The following ADAMTS16 variants were observed in gnomAD, a reference collection of about 807,000 sequenced individuals.
ADAMTS16 encodes ADAM metallopeptidase with thrombospondin type 1 motif 16, also known as A disintegrin and metalloproteinase with thrombospondin motifs 16.
A neutral mutation model predicts 145.8 loss-of-function variants in ADAMTS16; 94 were observed. That is an observed-to-expected ratio of 0.64 (90% CI 0.55 to 0.77). The LOEUF is 0.77. Ranked by LOEUF, ADAMTS16 falls within the 30% of genes least tolerant of loss-of-function variation. The pLI, the probability that ADAMTS16 is intolerant of heterozygous loss-of-function variation, is 0.00. For missense variants in ADAMTS16, 1,585 were observed against 1,591.5 expected (o/e 1.00, Z 0.07); for synonymous variants, 659 against 604.3 (o/e 1.09, Z -1.33).
chr5:5,282,790 C>CA (rs1423581925), intron 18 of ADAMTS16, among the ~76,000 whole-genome samples: 2 of 151,870 alleles, frequency 1.3e-5, no homozygotes, highest in African/African-American at 4.8e-5. Flanking sequence ...GTTGAAAACT[C>CA]AAAAACTTGG....
intron 18 of ADAMTS16, among the ~76,000 whole-genome samples, chr5:5,266,398 A>AC (rs1219630746): frequency 3.3e-5 from 5 of 152,166 alleles, no homozygotes; most frequent in Admixed American, 2.0e-4. Context: ...AGAGCTGGTG[A>AC]CCCCAGGGCA....
At chr5:5,272,756 T>C (rs2126455328) in intron 18 of ADAMTS16, among the ~76,000 whole-genome samples, 1 of 152,312 alleles carries the variant, frequency 6.6e-6, no homozygotes, top group South Asian at 2.1e-4. Context: ...CCCACTTCTG[T>C]GTCAACATGG....
At chr5:5,316,712 GC>G (rs1734069858) in intron 21 of ADAMTS16, among the ~76,000 whole-genome samples, 1 of 152,098 alleles carries the variant, frequency 6.6e-6, no homozygotes, top group East Asian at 1.9e-4. Flanking sequence ...AGCAAAATAA[GC>G]CCCAGCAGCT....
At chr5:5,318,715 G>A (rs780138791) in intron 22 of ADAMTS16, among the ~76,000 whole-genome samples, 3 of 152,158 alleles carry the variant, frequency 2.0e-5, no homozygotes, top group African/African-American at 2.4e-5. Flanking sequence ...TGAGGAAGGC[G>A]AGTGGTTTGG....
At chr5:5,263,868 C>A (rs1579354880) in intron 18 of ADAMTS16, among the ~76,000 whole-genome samples, 1 of 152,216 alleles carries the variant, frequency 6.6e-6, no homozygotes, top group African/African-American at 2.4e-5. Context: ...ACTCAGTGGG[C>A]CCCGAGCTCT....
intron 3 of ADAMTS16, among the ~76,000 whole-genome samples, chr5:5,179,467 A>T (rs1413161683): frequency 2.6e-5 from 4 of 152,166 alleles, no homozygotes; most frequent in African/African-American, 9.7e-5. Context: ...TAATGGAGAA[A>T]CTAATTGGGT....
rs1448492809 is a variant in ADAMTS16 at position 5,245,821 on chromosome 5, T to A, written c.2662+3630T>A. Among the ~76,000 whole-genome samples the A allele has an allele frequency of 2.0e-5, 3 of 152,352 alleles. No individual in the cohort carries two copies. The East Asian group carries it at 5.8e-4, about 29-fold the overall frequency. Reference sequence around the variant, plus strand: ...CAGGTAATGCCTTTTATCTCCCTTTTGACAGCTTCTTCTTCCCTTTTGACA... The same window carrying A: ...CAGGTAATGCCTTTTATCTCCCTTTAGACAGCTTCTTCTTCCCTTTTGACA... On this transcript the variant is annotated intron_variant, in intron 17 of 22. Coordinates refer to ENST00000274181, the MANE Select transcript of ADAMTS16 (RefSeq NM_139056.4).
chr5:5,156,140 A>G (rs1734596558), intron 3 of ADAMTS16, among the ~76,000 whole-genome samples: 1 of 152,184 alleles, frequency 6.6e-6, no homozygotes, highest in African/African-American at 2.4e-5. Flanking sequence ...AGCAGGTGGC[A>G]AAGCAGAAAT....
intron 10 of ADAMTS16, among the ~76,000 whole-genome samples, chr5:5,220,582 A>G (rs75114288): frequency 0.015 from 2,223 of 152,294 alleles, 50 homozygotes; most frequent in African/African-American, 0.049. Flanking sequence ...CCCTGAACGC[A>G]GACGGAGACC....
intron 18 of ADAMTS16, among the ~76,000 whole-genome samples, chr5:5,279,932 TTC>T (rs1738838265): frequency 7.1e-6 from 1 of 141,334 alleles, no homozygotes; most frequent in South Asian, 2.4e-4. Context: ...CTCTTTTTCT[TTC>T]TTTCTTTCTT....
rs759734674 is a variant in ADAMTS16, at chr5:5,146,466, C to A, written c.501+11C>A. Reference sequence around the variant, plus strand: ...ACCTGCCAAGGCTTGGTGAGTACAGCGCAAGCCCCAGGTAGGGAGGCGAGG... The same window carrying A: ...ACCTGCCAAGGCTTGGTGAGTACAGAGCAAGCCCCAGGTAGGGAGGCGAGG... On this transcript the variant is annotated intron_variant, in intron 3 of 22. Transcript: ENST00000274181. 9.5e-6 allele frequency: 15 copies of A among 1,585,798 alleles called. No homozygotes were observed. The Admixed American group carries it at 2.6e-4, about 27-fold the overall frequency.
At chr5:5,301,406 T>C (rs1446978844) in intron 18 of ADAMTS16, among the ~76,000 whole-genome samples, 1 of 152,220 alleles carries the variant, frequency 6.6e-6, no homozygotes, top group Non-Finnish European at 1.5e-5. Context: ...TTTTGAATGC[T>C]GAATAAAACT....
intron 16 of ADAMTS16, among the ~76,000 whole-genome samples, chr5:5,240,356 C>A (rs748955148): frequency 5.9e-5 from 9 of 152,206 alleles, no homozygotes; most frequent in Non-Finnish European, 1.3e-4. Context: ...TGTGTCACAG[C>A]ATTGACCTTG....
chr5:5,193,750 G>C (rs964449262), intron 8 of ADAMTS16, among the ~76,000 whole-genome samples: 4 of 152,136 alleles, frequency 2.6e-5, no homozygotes, highest in South Asian at 2.1e-4. Context: ...GTTGGAAAAA[G>C]ATTTTCTCCA....
At chr5:5,158,812 C>A (rs111769089) in intron 3 of ADAMTS16, among the ~76,000 whole-genome samples, 1 of 152,146 alleles carries the variant, frequency 6.6e-6, no homozygotes, top group East Asian at 1.9e-4. Context: ...TTGTATCTAC[C>A]GCTTAAGCAT....
chr5:5,284,290 T>C (rs902116635), intron 18 of ADAMTS16, among the ~76,000 whole-genome samples: 6 of 152,252 alleles, frequency 3.9e-5, no homozygotes, highest in African/African-American at 1.4e-4. Flanking sequence ...AGTCCTCTCA[T>C]TTCAGTTCAA....
chr5:5,149,246 G>A (rs565079069), intron 3 of ADAMTS16, among the ~76,000 whole-genome samples: 1 of 152,104 alleles, frequency 6.6e-6, no homozygotes, highest in South Asian at 2.1e-4. Context: ...GTAATTTTTG[G>A]AAAAAGGGTC....
At chr5:5,273,677 T>A (rs115986533) in intron 18 of ADAMTS16, among the ~76,000 whole-genome samples, 1,721 of 152,348 alleles carry the variant, frequency 0.011, 17 homozygotes, top group Non-Finnish European at 0.017. Context: ...TTACTGTGTC[T>A]CCCCTGGGGA....
At chr5:5,275,971 GTC>G (rs1324415967) in intron 18 of ADAMTS16, among the ~76,000 whole-genome samples, 1 of 151,818 alleles carries the variant, frequency 6.6e-6, no homozygotes, top group African/African-American at 2.4e-5. Context: ...CAATTCTCCT[GTC>G]TCAGCCTCCC....
Sources: gnomAD v4.1 joint callset for allele counts (sites outside exome capture counted in the v4.1 genomes callset) on GRCh38, gnomAD v4.1.1 for gene constraint, MANE v1.5 for transcripts, NCBI Gene and HGNC (gene_info 2026-07-23, HGNC 2026-07-21) for gene names.